Variants in GALNT13 observed in about 807,000 individuals in gnomAD.
GALNT13 encodes UDP-GalNAc:polypeptide N-acetylgalactosaminyltransferase 13.
In GALNT13, 28 loss-of-function variants were observed where a neutral mutation model predicts 64.2. The ratio of observed to expected loss-of-function variants is 0.44; its 90% CI spans 0.32 to 0.60. GALNT13 has a LOEUF of 0.60. Among genes scored for constraint, GALNT13 ranks in the 20% least tolerant of loss-of-function variants. GALNT13 has a pLI of 0.05. For missense variants in GALNT13, 577 were observed against 669.8 expected (o/e 0.86, Z 1.53); for synonymous variants, 214 against 224.6 (o/e 0.95, Z 0.42).
chr2:153,241,928 G>A, the GALNT13 span, among the ~76,000 whole-genome samples: 2 of 152,052 alleles, frequency 1.3e-5, no homozygotes, highest in African/African-American at 2.4e-5. Context: ...GAACTTTGCT[G>A]TGGGTGCCTG....
Position 154,000,285 on chromosome 2 carries a change from T to C in GALNT13, c.142+55646T>C, listed in dbSNP as rs367723407. On this transcript the variant is annotated intron_variant, in intron 3 of 12. Transcript: ENST00000392825. ...AATAACACTGTTCATCGGTCTCTTA[T>C]ACGTTTTTATTTCTATCTCATTTAT... Among the ~76,000 whole-genome samples, 3 of 151,974 alleles carry C rather than the reference T, an allele frequency of 2.0e-5. No individual in the cohort carries two copies. In the East Asian group the frequency reaches 5.8e-4, roughly 29 times the overall value.
intron 3 of GALNT13, among the ~76,000 whole-genome samples, chr2:154,106,665 A>G (rs996213041): frequency 6.6e-6 from 1 of 151,858 alleles, no homozygotes; most frequent in Non-Finnish European, 1.5e-5. Flanking sequence ...TGTGAGTCTT[A>G]CTTTTTTTCT....
intron 4 of GALNT13, among the ~76,000 whole-genome samples, chr2:154,195,015 T>G (rs1573853358): frequency 1.3e-5 from 2 of 152,112 alleles, no homozygotes; most frequent in East Asian, 3.9e-4. Context: ...CCTAATGCTT[T>G]CCCTCCCCCT....
At chr2:154,318,879 G>A (rs1017744015) in intron 9 of GALNT13, among the ~76,000 whole-genome samples, 50 of 151,928 alleles carry the variant, frequency 3.3e-4, no homozygotes, top group East Asian at 5.8e-4. Flanking sequence ...ACACACGCGC[G>A]CGCACACACA....
chr2:153,773,652 T>A, the GALNT13 span, among the ~76,000 whole-genome samples: 7 of 152,322 alleles, frequency 4.6e-5, no homozygotes, highest in African/African-American at 1.7e-4. Flanking sequence ...TTACAGTCAA[T>A]GTAATATAAG....
At chr2:154,356,840 C>T (rs760388180) in intron 9 of GALNT13, among the ~76,000 whole-genome samples, 1 of 151,926 alleles carries the variant, frequency 6.6e-6, no homozygotes, top group Non-Finnish European at 1.5e-5. Flanking sequence ...AAATACTTTG[C>T]TGTTAGCACA....
chr2:154,425,946 C>T (rs1006498353), intron 11 of GALNT13, among the ~76,000 whole-genome samples: 3 of 152,116 alleles, frequency 2.0e-5, no homozygotes, highest in Admixed American at 6.5e-5. Flanking sequence ...CTGATGGTCC[C>T]GTATTAGTTT....
At chr2:154,119,125 T>C (rs1369030380) in intron 3 of GALNT13, among the ~76,000 whole-genome samples, 1 of 152,154 alleles carries the variant, frequency 6.6e-6, no homozygotes, top group Non-Finnish European at 1.5e-5. Context: ...TCTAGTGATG[T>C]TATACTCCCT....
intron 12 of GALNT13, among the ~76,000 whole-genome samples, chr2:154,448,953 C>A (rs539566764): frequency 1.3e-5 from 2 of 151,732 alleles, no homozygotes; most frequent in Admixed American, 6.6e-5. Flanking sequence ...ACCACAGGTA[C>A]GTAACAAAAA....
At chr2:153,128,207 T>A in the GALNT13 span, among the ~76,000 whole-genome samples, 1 of 152,158 alleles carries the variant, frequency 6.6e-6, no homozygotes, top group Non-Finnish European at 1.5e-5. Context: ...ATGCTACTGA[T>A]AAAGACATAG....
the GALNT13 span, among the ~76,000 whole-genome samples, chr2:153,789,889 T>C: frequency 6.6e-6 from 1 of 152,030 alleles, no homozygotes; most frequent in South Asian, 2.1e-4. Flanking sequence ...CAGAAAGAAA[T>C]TGATTCCCTG....
At chr2:153,152,832 C>T in the GALNT13 span, among the ~76,000 whole-genome samples, 1 of 152,028 alleles carries the variant, frequency 6.6e-6, no homozygotes, top group Non-Finnish European at 1.5e-5. Flanking sequence ...GGTTGATACC[C>T]TGTCTTTGCT....
At chr2:153,340,298 T>C in the GALNT13 span, among the ~76,000 whole-genome samples, 5 of 151,446 alleles carry the variant, frequency 3.3e-5, no homozygotes, top group Admixed American at 2.6e-4. Context: ...CTTTTGTATC[T>C]TTATTTATTT....
chr2:154,025,453 A>G (rs1383938932), intron 3 of GALNT13, among the ~76,000 whole-genome samples: 3 of 152,214 alleles, frequency 2.0e-5, no homozygotes, highest in Non-Finnish European at 2.9e-5. Flanking sequence ...ACACAGACAC[A>G]TAACACATTC....
the GALNT13 span, among the ~76,000 whole-genome samples, chr2:153,825,438 C>T: frequency 2.5e-4 from 38 of 152,212 alleles, no homozygotes; most frequent in Admixed American, 1.0e-3. Context: ...TTAGAGGCTA[C>T]GACAAGCCAC....
chr2:153,630,762 CATATATATATAT>C, the GALNT13 span, among the ~76,000 whole-genome samples: 66 of 32,122 alleles, frequency 2.1e-3, 1 homozygote, highest in South Asian at 3.7e-3. Flanking sequence ...TTTTAGGCTT[CATATATATATAT>C]ATATATATAT....
intron 9 of GALNT13, among the ~76,000 whole-genome samples, chr2:154,366,011 A>C (rs1181716860): frequency 6.6e-6 from 1 of 152,178 alleles, no homozygotes; most frequent in Non-Finnish European, 1.5e-5. Flanking sequence ...TTAAGAACTA[A>C]ATATCATTGA....
intron 4 of GALNT13, among the ~76,000 whole-genome samples, chr2:154,150,206 T>C (rs1387035674): frequency 1.3e-5 from 2 of 152,204 alleles, no homozygotes; most frequent in African/African-American, 2.4e-5. Flanking sequence ...TTGTCTTTGG[T>C]TCTGTTTATA....
the GALNT13 span, among the ~76,000 whole-genome samples, chr2:153,615,597 T>G: frequency 6.6e-6 from 1 of 152,208 alleles, no homozygotes; most frequent in East Asian, 1.9e-4. Context: ...AATATTTCAT[T>G]GTAGCTTTGA....
Sources: allele counts gnomAD v4.1 joint callset (sites outside exome capture counted in the v4.1 genomes callset), GRCh38; gene constraint gnomAD v4.1.1; transcripts MANE v1.5; gene names NCBI Gene and HGNC (gene_info 2026-07-23, HGNC 2026-07-21).